PRKG1: variants seen among roughly 807,000 people sequenced by gnomAD.
PRKG1 encodes the protein protein kinase cGMP-dependent 1.
Under a neutral mutation model 88.1 loss-of-function variants are expected in PRKG1, and 35 were observed. The observed-to-expected ratio is 0.40, with a 90% CI of 0.30 to 0.53. PRKG1 has a LOEUF of 0.53. Ranked by LOEUF, PRKG1 falls within the 20% of genes least tolerant of loss-of-function variation. The probability of loss-of-function intolerance (pLI) is 0.59; values close to 1 mark genes in which losing one functional copy is unlikely to be tolerated. For missense variants in PRKG1, 540 were observed against 839.8 expected (o/e 0.64, Z 4.41); for synonymous variants, 303 against 292.5 (o/e 1.04, Z -0.37).
At position 51,221,260 on chromosome 10, in the gene PRKG1, G is replaced by A. The variant is rs1838520905; in HGVS notation, c.478+67930G>A. On this transcript the variant is annotated intron_variant, in intron 2 of 17. Coordinates refer to ENST00000373980, the MANE Select transcript of PRKG1 (RefSeq NM_006258.4). ...AAAGACAATGACTTTTTTATCTGAT[G>A]TATTTTTAATAAAATAGTCTCTCAC... Among the ~76,000 whole-genome samples, 5 of 152,038 alleles carry A rather than the reference G, an allele frequency of 3.3e-5. No individual in the cohort carries two copies. The South Asian group carries it at 1.0e-3, about 32-fold the overall frequency.
At chr10:51,329,111 T>G (rs1441379238) in intron 2 of PRKG1, among the ~76,000 whole-genome samples, 3 of 152,194 alleles carry the variant, frequency 2.0e-5, no homozygotes, top group Non-Finnish European at 4.4e-5. Context: ...GCCATTGCCT[T>G]TGGTGTCATA....
At chr10:51,054,935 T>C (rs1273659530) in intron 1 of PRKG1, among the ~76,000 whole-genome samples, 1 of 152,222 alleles carries the variant, frequency 6.6e-6, no homozygotes, top group East Asian at 1.9e-4. Context: ...CACACTCATA[T>C]GTATAAGGCA....
At position 52,288,741 on chromosome 10, in the gene PRKG1, C is replaced by A. The variant is rs75921640; in HGVS notation, c.1725C>A (p.Gly575=). 2.5e-6 allele frequency: 4 copies of A among 1,589,414 alleles called. No individual in the cohort carries two copies. Among genetic ancestry groups the A allele is most frequent in the Non-Finnish European group, 3.4e-6 (4 of 1,173,294 alleles). The stretch of plus-strand genomic sequence containing the variant: ...ATTCTTGCAGCCCACCTTTCTCAGG[C>A]CCAGATCCTATGAAAACCTATAACA... ...ELLTGSPPFS[G]PDPMKTYNII... is the part of the protein sequence containing the mutation. Residue 575 remains glycine, a synonymous_variant, in exon 15 of 18, where the codon GGC becomes GGA. Transcript: ENST00000373980.
intron 7 of PRKG1, among the ~76,000 whole-genome samples, chr10:52,078,181 G>A (rs1343002920): frequency 6.6e-6 from 1 of 152,150 alleles, no homozygotes; most frequent in Non-Finnish European, 1.5e-5. Flanking sequence ...TAGAAACATG[G>A]ATTTGCTAAC....
intron 1 of PRKG1, among the ~76,000 whole-genome samples, chr10:51,048,743 G>C (rs1306293711): frequency 1.3e-5 from 2 of 152,138 alleles, no homozygotes; most frequent in Admixed American, 1.3e-4. Context: ...ATTTCCACTA[G>C]ACAAGTGGCC....
chr10:51,282,023 C>A (rs187541327), intron 2 of PRKG1, among the ~76,000 whole-genome samples: 75 of 152,274 alleles, frequency 4.9e-4, no homozygotes, highest in African/African-American at 1.7e-3. Context: ...TAGTTGCAAA[C>A]TATTCTTCTA....
At chr10:52,154,128 T>C (rs1334556928) in intron 8 of PRKG1, among the ~76,000 whole-genome samples, 1 of 152,212 alleles carries the variant, frequency 6.6e-6, no homozygotes, top group East Asian at 1.9e-4. Context: ...TATCAATTGC[T>C]CCTGTAAAGT....
intron 9 of PRKG1, among the ~76,000 whole-genome samples, chr10:52,200,818 C>T (rs954628813): frequency 6.6e-6 from 1 of 152,100 alleles, no homozygotes; most frequent in Admixed American, 6.6e-5. Context: ...TGATGTTGAG[C>T]ATTTTTTTCT....
At chr10:51,476,202 A>T (rs1256450102) in intron 3 of PRKG1, among the ~76,000 whole-genome samples, 2 of 152,014 alleles carry the variant, frequency 1.3e-5, no homozygotes, top group Non-Finnish European at 2.9e-5. Flanking sequence ...GTTCCTTGGA[A>T]TTGAGACCTG....
At chr10:51,752,184 C>T (rs147895501) in intron 3 of PRKG1, among the ~76,000 whole-genome samples, 72 of 152,292 alleles carry the variant, frequency 4.7e-4, no homozygotes, top group Non-Finnish European at 9.9e-4. Context: ...TTCTTAAATG[C>T]AGCTCCATAA....
chr10:51,945,501 AT>A (rs1662248201), intron 5 of PRKG1, among the ~76,000 whole-genome samples: 1 of 151,608 alleles, frequency 6.6e-6, no homozygotes, highest in Non-Finnish European at 1.5e-5. Flanking sequence ...TGTCATTATG[AT>A]GTTAGCTGGT....
intron 5 of PRKG1, among the ~76,000 whole-genome samples, chr10:51,939,993 T>C (rs10740395): frequency 0.78 from 118,309 of 151,684 alleles, 46,728 homozygotes; most frequent in African/African-American, 0.9. Context: ...ACTTGATTTG[T>C]TTCATACTGC....
At chr10:51,858,485 G>A (rs1481746753) in intron 4 of PRKG1, among the ~76,000 whole-genome samples, 1 of 127,366 alleles carries the variant, frequency 7.9e-6, no homozygotes, top group Non-Finnish European at 1.6e-5. Flanking sequence ...TACAATCTCA[G>A]CAAAATATAA....
At chr10:52,090,829 T>C (rs1299301466) in intron 7 of PRKG1, among the ~76,000 whole-genome samples, 2 of 152,218 alleles carry the variant, frequency 1.3e-5, no homozygotes. Context: ...TATTGAGGTA[T>C]AAATAAATGA....
chr10:51,839,360 G>C (rs1386558179), intron 4 of PRKG1, among the ~76,000 whole-genome samples: 2 of 152,130 alleles, frequency 1.3e-5, no homozygotes, highest in Non-Finnish European at 2.9e-5. Context: ...AAATAAATAT[G>C]TCTTCTACTT....
At chr10:51,454,272 G>A (rs1839519172) in intron 2 of PRKG1, among the ~76,000 whole-genome samples, 1 of 151,908 alleles carries the variant, frequency 6.6e-6, no homozygotes, top group African/African-American at 2.4e-5. Context: ...AACTAAAAAT[G>A]AGCCTGCCTA....
At chr10:51,000,021 C>T (rs541780967) in intron 1 of PRKG1, among the ~76,000 whole-genome samples, 36 of 152,212 alleles carry the variant, frequency 2.4e-4, no homozygotes, top group African/African-American at 7.2e-4. Context: ...GAAGCCTTCC[C>T]AAGAATAAAA....
chr10:51,693,338 T>A (rs1470912987), intron 3 of PRKG1, among the ~76,000 whole-genome samples: 2 of 151,822 alleles, frequency 1.3e-5, no homozygotes, highest in African/African-American at 4.8e-5. Context: ...GGGTGCTTTT[T>A]AATAGTATTT....
intron 3 of PRKG1, among the ~76,000 whole-genome samples, chr10:51,628,140 CTTTCTTTCTTTCTT>C (rs1318943573): frequency 3.7e-5 from 4 of 107,552 alleles, no homozygotes; most frequent in Non-Finnish European, 7.9e-5. Context: ...TTCTTTCTTT[CTTTCTTTCTTTCTT>C]TCTTTCTTTA....
Sources: allele counts gnomAD v4.1 joint callset (sites outside exome capture counted in the v4.1 genomes callset), GRCh38; gene constraint gnomAD v4.1.1; transcripts MANE v1.5; gene names NCBI Gene and HGNC (gene_info 2026-07-23, HGNC 2026-07-21).